The following STK31 variants were observed in gnomAD, a reference collection of about 807,000 sequenced individuals.
STK31 encodes serine/threonine-protein kinase 31.
STK31 carries 89 observed loss-of-function variants against 129.7 expected under a neutral mutation model. The ratio of observed to expected loss-of-function variants is 0.69; its 90% confidence interval spans 0.58 to 0.82. The LOEUF is 0.82. Among genes scored for constraint, STK31 ranks in the 40% least tolerant of loss-of-function variants. The pLI is 0.00. For missense variants in STK31, 1,187 were observed against 1,176.4 expected (o/e 1.01, Z -0.13); for synonymous variants, 448 against 395.3 (o/e 1.13, Z -1.58).
At chr7:23,710,096 C>T (rs577939106), upstream of STK31, 183 of 948,264 alleles carry the variant, frequency 1.9e-4, no homozygotes, top group East Asian at 4.8e-3. Context: ...GGGTCGGCAG[C>T]AGCCAGCGTC....
chr7:23,786,982 A>G, intron 20 of STK31, 58 bp downstream of exon 20: 1 of 1,507,270 alleles, frequency 6.6e-7, no homozygotes, highest in Non-Finnish European at 9.2e-7. Context: ...ATAACACCTG[A>G]TATTTATTCA....
At chr7:23,781,718 T>G (rs926302941) in intron 16 of STK31, among the ~76,000 whole-genome samples, 198 bp downstream of exon 16, 1 of 152,230 alleles carries the variant, frequency 6.6e-6, no homozygotes, top group Non-Finnish European at 1.5e-5. Context: ...ATTGTACCAG[T>G]GTGGAAATAA....
At chr7:23,783,851 T>G (rs1215179744) in intron 17 of STK31, among the ~76,000 whole-genome samples, 188 bp downstream of exon 17, 1 of 152,252 alleles carries the variant, frequency 6.6e-6, no homozygotes, top group Non-Finnish European at 1.5e-5. Context: ...TGTATTTTTA[T>G]GTAAATTTGC....
At position 23,736,805 on chromosome 7, in the gene STK31, G is replaced by GAT; in HGVS notation, c.843-94_843-93dup. The GAT allele has an allele frequency of 3.2e-6, 3 of 929,584 alleles. No individual in the cohort carries two copies. In the African/African-American group the frequency reaches 5.1e-5, roughly 16 times the overall value. 57.6% of individuals were successfully genotyped at this position (929,584 alleles called of 1,614,324 possible). On this transcript the variant is annotated intron_variant, in intron 7 of 23. Coordinates refer to ENST00000355870, the MANE Select transcript of STK31 (RefSeq NM_031414.5). ...TTTTAGTTTTCAAAATTAACTTTCA[G>GAT]ATATATTGTGGCATAAAAGGACCAA... is the stretch of plus-strand genomic sequence containing the variant.
At chr7:23,753,810 A>G (rs1392766627) in intron 9 of STK31, among the ~76,000 whole-genome samples, 1 of 152,174 alleles carries the variant, frequency 6.6e-6, no homozygotes, top group African/African-American at 2.4e-5. Flanking sequence ...TTAGTGTTTA[A>G]TATTAGAAAT....
At position 23,736,997 on chromosome 7, in the gene STK31, A is replaced by C. The variant is rs917260007; in HGVS notation, c.936A>C (p.Lys312Asn). The change falls in exon 8 of 24, where the codon AAA (lysine) becomes AAC (asparagine). Residue 312 changes from lysine (K) to asparagine (N), a missense_variant. By Grantham distance (94) the Lys-to-Asn change is moderately conservative. Around this residue, in one of 5 missense-constraint regions of STK31, gnomAD observed 975 missense variants for 934.9 expected, o/e 1.04. Coordinates refer to ENST00000355870, the MANE Select transcript of STK31 (RefSeq NM_031414.5). ...QDQKLIEENE[K>N]LKTEKDALLE... is the part of the protein sequence containing the mutation. ...AGAAACTGATTGAAGAAAATGAAAA[A>C]CTTAAAACAGAGAAGGACGCTCTTC... 6.2e-7 allele frequency: 1 copy of C among 1,613,750 alleles called. No individual in the cohort carries two copies. Among genetic ancestry groups the C allele is most frequent in the Admixed American group, 1.7e-5 (1 of 60,000 alleles).
At chr7:23,813,546 G>A (rs1793279292) in intron 22 of STK31, among the ~76,000 whole-genome samples, 1 of 152,148 alleles carries the variant, frequency 6.6e-6, no homozygotes, top group Non-Finnish European at 1.5e-5. Context: ...TTTAAACAGA[G>A]GTCCTGGACT....
Position 23,732,034 on chromosome 7 carries a change from T to A in STK31, c.483+2785T>A, listed in dbSNP as rs139074698. ...TTTTAAAAAGTTAAGTTTTGTCCAG[T>A]GCGGTGGCTCATGCCTGTAAGCCCA... On this transcript the variant is annotated intron_variant, in intron 6 of 23. Coordinates refer to ENST00000355870, the MANE Select transcript of STK31 (RefSeq NM_031414.5). 2.6e-3 allele frequency among the ~76,000 whole-genome samples: 389 copies of A among 152,286 alleles called. 1 individual carries two copies. The highest frequency in any genetic ancestry group is 4.2e-3 in the Non-Finnish European group (287 of 68,018).
chr7:23,754,572 A>C (rs541443362), intron 10 of STK31, 98 bp downstream of exon 10: 2 of 1,316,802 alleles, frequency 1.5e-6, no homozygotes, highest in South Asian at 3.0e-5. Flanking sequence ...ATACATGTGC[A>C]GAATGTGCAG....
Position 23,769,078 on chromosome 7 carries a change from C to G in STK31, c.1500C>G (p.Asp500Glu). 6.2e-7 allele frequency: 1 copy of G among 1,613,242 alleles called. No individual in the cohort carries two copies. The highest frequency in any genetic ancestry group is 8.5e-7 in the Non-Finnish European group (1 of 1,179,438). The change falls in exon 12 of 24, where the codon GAC becomes GAG. Residue 500 changes from aspartate (D) to glutamate (E), a missense_variant. Asp to Glu is a conservative substitution (Grantham distance 45). Transcript: ENST00000355870. ...ATGAAATACTTAAAAAATTTTATGACTGGAAGTGTGATAAAAGAGAGGAGT... is the reference window on the plus strand; with the variant it reads ...ATGAAATACTTAAAAAATTTTATGAGTGGAAGTGTGATAAAAGAGAGGAGT... ...NSDEILKKFY[D>E]WKCDKREEFT...
intron 22 of STK31, among the ~76,000 whole-genome samples, chr7:23,813,092 T>TA (rs1793251298): frequency 1.3e-5 from 2 of 148,340 alleles, no homozygotes; most frequent in African/African-American, 4.9e-5. Context: ...TTTTTTTTTT[T>TA]TTTTTTGTCT....
chr7:23,787,943 C>T (rs1387092151), intron 20 of STK31, 37 bp from the exon 21 acceptor site: 5 of 1,470,210 alleles, frequency 3.4e-6, no homozygotes, highest in Non-Finnish European at 3.6e-6. Flanking sequence ...AATGATTTGC[C>T]TACTTCCTCA....
chr7:23,725,936 A>T (rs62468596), intron 4 of STK31: 38,518 of 152,096 alleles, frequency 0.25, 5,226 homozygotes, highest in East Asian at 0.4. Context: ...TCTGTAGATT[A>T]CATGGTGAGA....
At chr7:23,823,849 T>G (rs975842359) in intron 23 of STK31, among the ~76,000 whole-genome samples, 1 of 152,220 alleles carries the variant, frequency 6.6e-6, no homozygotes, top group African/African-American at 2.4e-5. Flanking sequence ...ATTTATTAAA[T>G]AGGGAATCCT....
Position 23,727,335 on chromosome 7 carries a change from G to GT in STK31, c.324+29dup, listed in dbSNP as rs747803769. 778 of 1,576,462 alleles carry GT rather than the reference G, an allele frequency of 4.9e-4. No homozygotes were observed. The highest frequency in any genetic ancestry group is 5.7e-4 in the Non-Finnish European group (652 of 1,152,718). On this transcript the variant is annotated intron_variant, in intron 5 of 23. Coordinates refer to ENST00000355870, the MANE Select transcript of STK31 (RefSeq NM_031414.5). The stretch of plus-strand genomic sequence containing the variant: ...GAAAAGGCAGGAAATTAAGTGTTCA[G>GT]TTTTTTTTTGCTTTAAGAAATATTT...
At chr7:23,781,927 C>T (rs1025714070) in intron 16 of STK31, among the ~76,000 whole-genome samples, 3 of 152,072 alleles carry the variant, frequency 2.0e-5, no homozygotes, top group African/African-American at 7.2e-5. Flanking sequence ...CTTACATCAA[C>T]GTCATTTTCC....
intron 3 of STK31, among the ~76,000 whole-genome samples, chr7:23,712,919 G>A (rs1353407809): frequency 2.0e-5 from 3 of 152,244 alleles, no homozygotes; most frequent in East Asian, 1.9e-4. Context: ...AAGAAATTAC[G>A]TTTCTCTATA....
intron 16 of STK31, 97 bp from the exon 17 acceptor site, chr7:23,783,481 ATATGT>A (rs1487459597): frequency 2.7e-5 from 20 of 742,422 alleles, no homozygotes; most frequent in Non-Finnish European, 4.2e-5. Flanking sequence ...ATCTTACTGG[ATATGT>A]TATAAGGTAG....
rs760494517 is a variant in STK31 at position 23,781,444 on chromosome 7, T to G, written c.1991T>G (p.Ile664Ser). 2 of 1,611,148 alleles carry G rather than the reference T, an allele frequency of 1.2e-6. No homozygotes were observed. Among genetic ancestry groups the G allele is most frequent in the Non-Finnish European group, 1.7e-6 (2 of 1,179,050 alleles). ...TCAGATGATCCTGATGGCTCTCAAA[T>G]TGAGAAAATAAAAGAAGAAATAACT... ...EESDDPDGSQ[I>S]EKIKEEITQL... The change falls in exon 16 of 24, where the codon ATT becomes AGT. Residue 664 changes from isoleucine (I) to serine (S), a missense_variant. This residue lies in a region of STK31 where 975 missense variants were observed against 934.9 expected (regional missense o/e 1.04). Transcript: ENST00000355870.
Sources: gnomAD v4.1 joint callset for allele counts (sites outside exome capture counted in the v4.1 genomes callset) on GRCh38, gnomAD v4.1.1 for gene constraint, gnomAD v4.1.1 regional missense constraint, MANE v1.5 for transcripts, NCBI Gene and HGNC (gene_info 2026-07-23, HGNC 2026-07-21) for gene names.